Variants in AGAP1 observed in about 807,000 individuals in gnomAD.
AGAP1 encodes ArfGAP with GTPase domain, ankyrin repeat and PH domain 1.
AGAP1 carries 29 observed loss-of-function variants against 105.3 expected under a neutral mutation model. That is an observed-to-expected ratio of 0.28 (90% CI 0.21 to 0.38). AGAP1 has a LOEUF of 0.38. Ranked by LOEUF, AGAP1 falls within the 10% of genes least tolerant of loss-of-function variation. AGAP1 has a pLI of 1.00. For synonymous variants in AGAP1, 509 were observed against 485.9 expected, an observed-to-expected ratio of 1.05 and a Z score of -0.63; for missense variants, 998 against 1,165.1, an observed-to-expected ratio of 0.86 and a Z score of 2.09.
At chr2:236,064,534 T>G (rs1257316505) in intron 16 of AGAP1, among the ~76,000 whole-genome samples, 1 of 152,232 alleles carries the variant, frequency 6.6e-6, no homozygotes, top group Non-Finnish European at 1.5e-5. Context: ...AGGCGGAGGT[T>G]GCAGTGAGCT....
chr2:235,629,083 T>C (rs1177508989), intron 1 of AGAP1, among the ~76,000 whole-genome samples: 1 of 152,184 alleles, frequency 6.6e-6, no homozygotes, highest in African/African-American at 2.4e-5. Context: ...GTGCTGGGAT[T>C]ATAGGTGTGA....
Position 235,608,235 on chromosome 2 carries a change from G to C in AGAP1, c.164-100944G>C, listed in dbSNP as rs1163800474. On this transcript the variant is annotated intron_variant, in intron 1 of 17. Coordinates refer to ENST00000304032, the MANE Select transcript of AGAP1 (RefSeq NM_001037131.3). The surrounding 1 kb of genome is among the most constrained non-coding windows in gnomAD (Gnocchi z 5.4). ...TAGCAGTTCTTCTTCATCTTGCAGG[G>C]AAAGTGTGTTGGCAAACATGCTGGA... Among the ~76,000 whole-genome samples the C allele has an allele frequency of 6.6e-6, 1 of 152,220 alleles. No homozygotes were observed. Among genetic ancestry groups the C allele is most frequent in the African/African-American group, 2.4e-5 (1 of 41,464 alleles).
Position 235,874,331 on chromosome 2 carries a change from A to G in AGAP1, c.1051-9014A>G, listed in dbSNP as rs2009033. Among the ~76,000 whole-genome samples the G allele has an allele frequency of 0.8, 121,537 of 152,218 alleles. 48,701 individuals are homozygous for G. Among genetic ancestry groups the G allele is most frequent in the East Asian group, 1 (5,165 of 5,184 alleles). ...CCCAAAGTGCTGGGGTTACAGATGT[A>G]AGCCACTGTGCCCGGCCCAGAACCA... On this transcript the variant is annotated intron_variant, in intron 9 of 17. Coordinates refer to ENST00000304032, the MANE Select transcript of AGAP1 (RefSeq NM_001037131.3). The surrounding 1 kb of genome is among the most constrained non-coding windows in gnomAD (Gnocchi z 4.5).
rs895768349 is a variant in AGAP1 at position 235,601,676 on chromosome 2, G to T, written c.163+106827G>T. 2.0e-5 allele frequency among the ~76,000 whole-genome samples: 3 copies of T among 152,302 alleles called. No homozygotes were observed. Among genetic ancestry groups the T allele is most frequent in the African/African-American group, 7.2e-5 (3 of 41,564 alleles). Reference sequence around the variant, plus strand: ...CCACAATTCAAGATGAGATTTGGGTGGGGACACAGCCAAACCATATCACCA... The same window carrying T: ...CCACAATTCAAGATGAGATTTGGGTTGGGACACAGCCAAACCATATCACCA... On this transcript the variant is annotated intron_variant, in intron 1 of 17. Transcript: ENST00000304032. This position sits in a 1 kb window ranked among gnomAD's most constrained non-coding sequence, Gnocchi z 4.4.
At chr2:236,068,270 CA>C (rs985209643) in intron 16 of AGAP1, among the ~76,000 whole-genome samples, 2 of 151,258 alleles carry the variant, frequency 1.3e-5, no homozygotes, top group Non-Finnish European at 2.9e-5. Flanking sequence ...GACTCCATCT[CA>C]AAAAAACAAA....
rs1169566834 is a variant in AGAP1, at chr2:235,957,287, C to T, written c.1484-11175C>T. 2.6e-5 allele frequency among the ~76,000 whole-genome samples: 4 copies of T among 152,144 alleles called. No homozygotes were observed. The highest frequency in any genetic ancestry group is 1.9e-4 in the East Asian group (1 of 5,188). ...GGCTTAATTTAGAGAGATCTCTGGGCGTAATTGAAAATGGCCCAAGTAGGC... is the reference window on the plus strand; with the variant it reads ...GGCTTAATTTAGAGAGATCTCTGGGTGTAATTGAAAATGGCCCAAGTAGGC... On this transcript the variant is annotated intron_variant, in intron 12 of 17. Transcript: ENST00000304032. The surrounding 1 kb of genome is among the most constrained non-coding windows in gnomAD (Gnocchi z 4.6).
At chr2:235,594,892 T>TTG (rs1553575348) in intron 1 of AGAP1, among the ~76,000 whole-genome samples, 1 of 150,846 alleles carries the variant, frequency 6.6e-6, no homozygotes, top group Non-Finnish European at 1.5e-5. Context: ...TGTTTTTTTT[T>TTG]TTTTTTTTTT....
At chr2:235,572,509 C>T (rs1474957079) in intron 1 of AGAP1, among the ~76,000 whole-genome samples, 1 of 152,180 alleles carries the variant, frequency 6.6e-6, no homozygotes, top group Non-Finnish European at 1.5e-5. Context: ...CTCCTGCGTC[C>T]TTTGCACCAT....
rs1018005591 is a variant in AGAP1 at position 235,599,214 on chromosome 2, C to T, written c.163+104365C>T. ...CAGGGTACGCAGCCAGTCCCTTCCA[C>T]GAATGCTGCGAGAACCCACACAGCT... On this transcript the variant is annotated intron_variant, in intron 1 of 17. Coordinates refer to ENST00000304032, the MANE Select transcript of AGAP1 (RefSeq NM_001037131.3). The surrounding 1 kb of genome is among the most constrained non-coding windows in gnomAD (Gnocchi z 5.3). Among the ~76,000 whole-genome samples the T allele has an allele frequency of 4.6e-5, 7 of 152,160 alleles. No homozygotes were observed. Among genetic ancestry groups the T allele is most frequent in the Non-Finnish European group, 7.3e-5 (5 of 68,030 alleles).
rs1039562126 is a variant in AGAP1, at chr2:236,005,807, C to A, written c.1646-30754C>A. Among the ~76,000 whole-genome samples, 1 of 152,216 alleles carries A rather than the reference C, an allele frequency of 6.6e-6. No individual in the cohort carries two copies. The highest frequency in any genetic ancestry group is 2.4e-5 in the African/African-American group (1 of 41,442). On this transcript the variant is annotated intron_variant, in intron 13 of 17. Transcript: ENST00000304032. The surrounding 1 kb of genome is among the most constrained non-coding windows in gnomAD (Gnocchi z 4.1). Reference sequence around the variant, plus strand: ...GGGTGAAGTGCTATTTCCATCCTATCCTGTCAAGGGTATATACCATCAACT... The same window carrying A: ...GGGTGAAGTGCTATTTCCATCCTATACTGTCAAGGGTATATACCATCAACT...
In AGAP1 at chr2:235,936,176, C is replaced by CG. The variant is rs2052978607; in HGVS notation, c.1483+5254dup. Reference sequence around the variant, plus strand: ...TCACTGTTAATACTGCATTTCTTCACGTGACTCTTCCATGTGGCTCTTGAG... The same window carrying CG: ...TCACTGTTAATACTGCATTTCTTCACGGTGACTCTTCCATGTGGCTCTTGAG... On this transcript the variant is annotated intron_variant, in intron 12 of 17. Coordinates refer to ENST00000304032, the MANE Select transcript of AGAP1 (RefSeq NM_001037131.3). This position sits in a 1 kb window ranked among gnomAD's most constrained non-coding sequence, Gnocchi z 4.7. 6.6e-6 allele frequency among the ~76,000 whole-genome samples: 1 copy of CG among 152,224 alleles called. No individual in the cohort carries two copies. Among genetic ancestry groups the CG allele is most frequent in the South Asian group, 2.1e-4 (1 of 4,832 alleles).
intron 1 of AGAP1, among the ~76,000 whole-genome samples, chr2:235,590,952 A>T (rs1202143661): frequency 6.7e-6 from 1 of 149,862 alleles, no homozygotes; most frequent in Non-Finnish European, 1.5e-5. Flanking sequence ...CGATCTCCTG[A>T]CCTCGTGATC....
At chr2:235,685,560 C>G (rs1949334284) in intron 1 of AGAP1, among the ~76,000 whole-genome samples, 1 of 151,860 alleles carries the variant, frequency 6.6e-6, no homozygotes, top group African/African-American at 2.4e-5. Context: ...CCAGAGGCCC[C>G]TCACTGCTCC....
intron 13 of AGAP1, among the ~76,000 whole-genome samples, chr2:236,015,663 G>A (rs964458460): frequency 2.6e-5 from 4 of 152,068 alleles, no homozygotes; most frequent in African/African-American, 7.2e-5. Flanking sequence ...CGGGGGCATC[G>A]GGCGTGTGAT....
chr2:235,969,364 G>T (rs1019978554), intron 13 of AGAP1, among the ~76,000 whole-genome samples: 2 of 151,944 alleles, frequency 1.3e-5, no homozygotes, highest in Admixed American at 6.5e-5. Flanking sequence ...TAATGCAGTT[G>T]TAACAAAGGA....
intron 13 of AGAP1, among the ~76,000 whole-genome samples, chr2:236,018,251 TC>T (rs750305830): frequency 2.0e-4 from 30 of 152,150 alleles, no homozygotes; most frequent in Non-Finnish European, 3.2e-4. Context: ...AATGGTATGA[TC>T]CTCCAATTAA....
In AGAP1 at chr2:236,049,188, T is replaced by C. The variant is rs761743906; in HGVS notation, c.2021T>C (p.Ile674Thr). The C allele has an allele frequency of 6.8e-6, 11 of 1,614,170 alleles. No individual in the cohort carries two copies. The Admixed American group carries it at 1.8e-4, about 27-fold the overall frequency. ...CTGGATGACTGGCCAGTCGAGCTCATCAAGGTGATGTCATCCATCGGGAAC... is the reference window on the plus strand; with the variant it reads ...CTGGATGACTGGCCAGTCGAGCTCACCAAGGTGATGTCATCCATCGGGAAC... ...LDLDDWPVEL[I>T]KVMSSIGNEL... is the part of the protein sequence containing the mutation. Residue 674 changes from isoleucine (I) to threonine (T), a missense_variant, in exon 16 of 18, where the codon ATC (isoleucine) becomes ACC (threonine). Physicochemically the swap from Ile to Thr is moderately conservative, Grantham distance 89. Around this residue, in one of 3 missense-constraint regions of AGAP1, gnomAD observed 235 missense variants for 270.7 expected, o/e 0.87. Coordinates refer to ENST00000304032, the MANE Select transcript of AGAP1 (RefSeq NM_001037131.3).
At chr2:235,522,921 T>A (rs1942677927) in intron 1 of AGAP1, among the ~76,000 whole-genome samples, 1 of 152,194 alleles carries the variant, frequency 6.6e-6, no homozygotes, top group Non-Finnish European at 1.5e-5. Context: ...GCATGGTGGA[T>A]GTCATGTGGG....
intron 1 of AGAP1, among the ~76,000 whole-genome samples, chr2:235,606,428 C>A (rs1393109535): frequency 6.6e-6 from 1 of 152,292 alleles, no homozygotes; most frequent in South Asian, 2.1e-4. Flanking sequence ...ATGAGTTACT[C>A]GATTCAGAGA....
Sources: gnomAD v4.1 joint callset for allele counts (sites outside exome capture counted in the v4.1 genomes callset) on GRCh38, gnomAD v4.1.1 for gene constraint, gnomAD v4.1.1 regional missense constraint, Gnocchi (gnomAD v3.1) non-coding constraint, MANE v1.5 for transcripts, NCBI Gene and HGNC (gene_info 2026-07-23, HGNC 2026-07-21) for gene names.